The following CACNG2 variants were observed in gnomAD, a reference collection of about 807,000 sequenced individuals.
The protein encoded by CACNG2 is voltage-dependent calcium channel gamma-2 subunit.
A neutral mutation model predicts 25.9 loss-of-function variants in CACNG2; 3 were observed. The ratio of observed to expected loss-of-function variants is 0.12; its 90% CI spans 0.05 to 0.30. The LOEUF is 0.30. Among genes scored for constraint, CACNG2 ranks in the 10% least tolerant of loss-of-function variants. CACNG2 has a pLI of 1.00. For missense variants in CACNG2, 341 were observed against 432.5 expected (o/e 0.79, Z 1.88); for synonymous variants, 167 against 173.3 (o/e 0.96, Z 0.29).
intron 1 of CACNG2, among the ~76,000 whole-genome samples, chr22:36,602,542 C>T (rs567417970): frequency 1.8e-4 from 27 of 152,120 alleles, no homozygotes; most frequent in Admixed American, 1.2e-3. Flanking sequence ...CCCGCCACCA[C>T]GCCCAGCTAA....
intron 1 of CACNG2, among the ~76,000 whole-genome samples, chr22:36,653,982 CTGTGTGTGTGTG>C (rs34435196): frequency 2.3e-4 from 31 of 134,142 alleles, no homozygotes; most frequent in Non-Finnish European, 4.2e-4. Flanking sequence ...GTGTGTGTCT[CTGTGTGTGTGTG>C]TGTGTGTGTG....
chr22:36,575,472 C>G (rs1012151263), intron 2 of CACNG2, among the ~76,000 whole-genome samples: 1 of 151,960 alleles, frequency 6.6e-6, no homozygotes, highest in Non-Finnish European at 1.5e-5. Flanking sequence ...GCACGCGGGG[C>G]CCCGAGGTTT....
chr22:36,656,445 C>T lies in CACNG2; in HGVS notation c.211+45921G>A, dbSNP rs184181648. Among the ~76,000 whole-genome samples, 497 of 152,240 alleles carry T rather than the reference C, an allele frequency of 3.3e-3. 4 individuals carry two copies. Among genetic ancestry groups the T allele is most frequent in the African/African-American group, 0.011 (467 of 41,510 alleles). ...TTGGCTTCACCTTCAACACACAGCC[C>T]GAATCCAACCACTTCTCATCACCGC... is the stretch of plus-strand genomic sequence containing the variant. On this transcript the variant is annotated intron_variant, in intron 1 of 3. Transcript: ENST00000300105.
At chr22:36,604,570 C>T (rs1330807620) in intron 1 of CACNG2, among the ~76,000 whole-genome samples, 1 of 152,122 alleles carries the variant, frequency 6.6e-6, no homozygotes, top group East Asian at 1.9e-4. Context: ...TTGGCACAAC[C>T]ACCCCAACCT....
intron 1 of CACNG2, among the ~76,000 whole-genome samples, chr22:36,655,673 CTCTTCCTT>C (rs1936691116): frequency 1.3e-5 from 2 of 151,508 alleles, no homozygotes; most frequent in Non-Finnish European, 2.9e-5. Context: ...TTCTTTCTTT[CTCTTCCTT>C]TCTTCCTTCC....
At position 36,564,367 on chromosome 22, in the gene CACNG2, C is replaced by G. The variant is rs1273987415; in HGVS notation, c.956G>C (p.Arg319Pro). 6.2e-7 allele frequency: 1 copy of G among 1,613,664 alleles called. No individual in the cohort carries two copies. Among genetic ancestry groups the G allele is most frequent in the Non-Finnish European group, 8.5e-7 (1 of 1,179,822 alleles). Residue 319 changes from arginine to proline, a missense_variant, in exon 4 of 4, where the codon CGG becomes CCG. Physicochemically the swap from Arg to Pro is moderately radical, Grantham distance 103. Coordinates refer to ENST00000300105, the MANE Select transcript of CACNG2 (RefSeq NM_006078.5). The surrounding 1 kb of genome is among the most constrained non-coding windows in gnomAD (Gnocchi z 6.7). Reference protein sequence around the residue: ...DSLHSNTANRRTTPV With the variant: ...DSLHSNTANRPTTPV ...CCGCGGTCTTTATACGGGGGTGGTCCGGCGGTTGGCTGTGTTGGAGTGGAG... is the reference window on the plus strand; with the variant it reads ...CCGCGGTCTTTATACGGGGGTGGTCGGGCGGTTGGCTGTGTTGGAGTGGAG...
At chr22:36,641,810 G>A (rs752649032) in intron 1 of CACNG2, among the ~76,000 whole-genome samples, 4 of 152,212 alleles carry the variant, frequency 2.6e-5, no homozygotes, top group Non-Finnish European at 5.9e-5. Flanking sequence ...GGGTTGCCGA[G>A]CCTCTGCCAA....
chr22:36,650,089 T>A (rs1429450846), intron 1 of CACNG2, among the ~76,000 whole-genome samples: 3 of 152,230 alleles, frequency 2.0e-5, no homozygotes, highest in Admixed American at 1.3e-4. Flanking sequence ...TTTCTGCTTC[T>A]GCACTTGCCC....
At position 36,622,304 on chromosome 22, in the gene CACNG2, A is replaced by C. The variant is rs1603501865; in HGVS notation, c.212-34756T>G. On this transcript the variant is annotated intron_variant, in intron 1 of 3. Coordinates refer to ENST00000300105, the MANE Select transcript of CACNG2 (RefSeq NM_006078.5). ...ATGGAATCTCCCGCAGGGCTTGTGG[A>C]AATGCAGACTGCAGGGCCCTATGCC... 2.0e-5 allele frequency among the ~76,000 whole-genome samples: 3 copies of C among 152,336 alleles called. No homozygotes were observed. The East Asian group carries it at 5.8e-4, about 29-fold the overall frequency.
chr22:36,589,337 T>C (rs914553784), intron 1 of CACNG2, among the ~76,000 whole-genome samples: 2 of 152,168 alleles, frequency 1.3e-5, no homozygotes, highest in African/African-American at 4.8e-5. Flanking sequence ...TAGACCTATA[T>C]ATTAGGTTGG....
At chr22:36,608,394 G>A (rs1039320271) in intron 1 of CACNG2, among the ~76,000 whole-genome samples, 9 of 152,160 alleles carry the variant, frequency 5.9e-5, no homozygotes, top group Non-Finnish European at 1.2e-4. Flanking sequence ...GATTTCACAA[G>A]CTTGTGTGTC....
intron 1 of CACNG2, among the ~76,000 whole-genome samples, chr22:36,634,345 CCTT>C (rs1441769664): frequency 6.6e-6 from 1 of 152,184 alleles, no homozygotes; most frequent in African/African-American, 2.4e-5. Context: ...TGATTTTTCT[CCTT>C]CTAGTTTGAG....
chr22:36,645,028 C>A (rs1936497708), intron 1 of CACNG2, among the ~76,000 whole-genome samples: 2 of 152,146 alleles, frequency 1.3e-5, no homozygotes, highest in Non-Finnish European at 2.9e-5. Flanking sequence ...TGCACCACAT[C>A]CAATTCTCTG....
chr22:36,687,564 T>C (rs1265510373), intron 1 of CACNG2, among the ~76,000 whole-genome samples: 2 of 152,254 alleles, frequency 1.3e-5, no homozygotes, highest in Admixed American at 6.5e-5. Context: ...AGACATTCCC[T>C]GTGGTCGGCA....
At chr22:36,604,733 A>G (rs995220169) in intron 1 of CACNG2, among the ~76,000 whole-genome samples, 2 of 152,242 alleles carry the variant, frequency 1.3e-5, no homozygotes, top group South Asian at 4.1e-4. Flanking sequence ...TTGTTTTCTC[A>G]GACATAATGC....
At chr22:36,632,930 A>G (rs1019687493) in intron 1 of CACNG2, among the ~76,000 whole-genome samples, 2 of 151,662 alleles carry the variant, frequency 1.3e-5, no homozygotes, top group Non-Finnish European at 2.9e-5. Flanking sequence ...CCCCTTCCCA[A>G]TCTTCTTTGC....
intron 1 of CACNG2, among the ~76,000 whole-genome samples, chr22:36,615,146 A>G (rs758073824): frequency 3.9e-5 from 6 of 152,252 alleles, no homozygotes; most frequent in Non-Finnish European, 8.8e-5. Context: ...AGAATAAATG[A>G]ATTGAATGAA....
rs557334285 is a variant in CACNG2, at chr22:36,606,393, G to A, written c.212-18845C>T. ...TCCGTACATTAGAGATATGGAAGTGGAGGGACAGAGGGGTGAAGGAACGCC... is the reference window on the plus strand; with the variant it reads ...TCCGTACATTAGAGATATGGAAGTGAAGGGACAGAGGGGTGAAGGAACGCC... On this transcript the variant is annotated intron_variant, in intron 1 of 3. Coordinates refer to ENST00000300105, the MANE Select transcript of CACNG2 (RefSeq NM_006078.5). The surrounding 1 kb of genome is among the most constrained non-coding windows in gnomAD (Gnocchi z 5.7). 6.6e-6 allele frequency among the ~76,000 whole-genome samples: 1 copy of A among 152,344 alleles called. No individual in the cohort carries two copies. Among genetic ancestry groups the A allele is most frequent in the Non-Finnish European group, 1.5e-5 (1 of 68,032 alleles).
At chr22:36,598,659 C>T (rs915350527) in intron 1 of CACNG2, among the ~76,000 whole-genome samples, 1 of 151,430 alleles carries the variant, frequency 6.6e-6, no homozygotes, top group African/African-American at 2.4e-5. Flanking sequence ...AAAATACAAA[C>T]AAACGAACAA....
Sources: gnomAD v4.1 joint callset for allele counts (sites outside exome capture counted in the v4.1 genomes callset) on GRCh38, gnomAD v4.1.1 for gene constraint, Gnocchi (gnomAD v3.1) non-coding constraint, MANE v1.5 for transcripts, NCBI Gene and HGNC (gene_info 2026-07-23, HGNC 2026-07-21) for gene names.